SMG7: variants seen among roughly 807,000 people sequenced by gnomAD.
The protein encoded by SMG7 is nonsense-mediated mRNA decay factor SMG7.
A neutral mutation model predicts 148.2 loss-of-function variants in SMG7; 34 were observed. That is an observed-to-expected ratio of 0.23 (90% CI 0.17 to 0.31). SMG7 has a LOEUF of 0.31. SMG7 is among the 10% of genes least tolerant of loss of function. The pLI, the probability that SMG7 is intolerant of heterozygous loss-of-function variation, is 1.00. For synonymous variants in SMG7, 492 were observed against 515.1 expected, an observed-to-expected ratio of 0.96 and a Z score of 0.61; for missense variants, 1,114 against 1,408.4, an observed-to-expected ratio of 0.79 and a Z score of 3.35.
At chr1:183,512,930 T>C (rs7553047) in intron 2 of SMG7, 62 bp downstream of exon 2, 1 of 1,448,222 alleles carries the variant, frequency 6.9e-7, no homozygotes, top group Admixed American at 2.2e-5. Context: ...TGGAAGGATA[T>C]CCTCTTTCTT....
chr1:183,504,171 C>T (rs886107953), intron 1 of SMG7, among the ~76,000 whole-genome samples: 3 of 151,986 alleles, frequency 2.0e-5, no homozygotes, highest in African/African-American at 7.3e-5. Context: ...GTCACCTTAC[C>T]TAGAGTTCCT....
At position 183,515,916 on chromosome 1, in the gene SMG7, C is replaced by T. The variant is rs910507887; in HGVS notation, c.104C>T (p.Ala35Val). Residue 35 changes from alanine (A) to valine (V), a missense_variant, in exon 3 of 23, where the codon GCT (alanine) becomes GTT (valine). Transcript: ENST00000688051. ...GCTGAAGTCTGGACATCCAGGCAGG[C>T]TCTGCAGGACCTGTACCAGAAAATG... ...GPAEVWTSRQ[A>V]LQDLYQKMLV... is the part of the protein sequence containing the mutation. 1 of 1,613,374 alleles carries T rather than the reference C, an allele frequency of 6.2e-7. No individual in the cohort carries two copies. The highest frequency in any genetic ancestry group is 1.3e-5 in the African/African-American group (1 of 74,970).
chr1:183,492,007 G>C (rs1280916321), intron 1 of SMG7, among the ~76,000 whole-genome samples: 1 of 152,220 alleles, frequency 6.6e-6, no homozygotes, highest in Non-Finnish European at 1.5e-5. Flanking sequence ...CATGAAGGCA[G>C]AGTCCTCATA....
intron 15 of SMG7, among the ~76,000 whole-genome samples, 183 bp downstream of exon 15, chr1:183,544,680 GTTA>G (rs1669585269): frequency 6.6e-6 from 1 of 152,038 alleles, no homozygotes; most frequent in African/African-American, 2.4e-5. Flanking sequence ...GTGCATGTTT[GTTA>G]TTATGAAGGA....
At chr1:183,497,018 T>C (rs896074329) in intron 1 of SMG7, among the ~76,000 whole-genome samples, 1 of 152,178 alleles carries the variant, frequency 6.6e-6, no homozygotes, top group Non-Finnish European at 1.5e-5. Context: ...TCATCCCGTC[T>C]TATGGGCTTT....
chr1:183,505,204 T>A (rs1432791675), intron 1 of SMG7, among the ~76,000 whole-genome samples: 1 of 151,942 alleles, frequency 6.6e-6, no homozygotes, highest in Non-Finnish European at 1.5e-5. Context: ...GACGTAAACT[T>A]CTCCCTCTTA....
intron 1 of SMG7, among the ~76,000 whole-genome samples, chr1:183,510,864 G>A (rs564588055): frequency 3.3e-5 from 5 of 152,142 alleles, no homozygotes; most frequent in African/African-American, 7.2e-5. Context: ...AAGTGCAGGC[G>A]CCTGTAGTCC....
In SMG7 at chr1:183,515,851, A is replaced by G. The variant is rs145676343; in HGVS notation, c.62-23A>G. The G allele has an allele frequency of 4.9e-4, 717 of 1,467,932 alleles. 2 individuals carry two copies. The African/African-American group carries it at 9.0e-3, about 18-fold the overall frequency. The allele number at this position is 1,467,932 out of a possible 1,614,324, so 90.9% of individuals were successfully genotyped here. Reference sequence around the variant, plus strand: ...TGCTGGGGTTTATCTATCTACCGTTATGTTTTTGTTTTTGTTACTCAGATT... The same window carrying G: ...TGCTGGGGTTTATCTATCTACCGTTGTGTTTTTGTTTTTGTTACTCAGATT... On this transcript the variant is annotated intron_variant, in intron 2 of 22. Transcript: ENST00000688051.
rs201231881 is a variant in SMG7, at chr1:183,528,947, C to T, written c.612C>T (p.Thr204=). 1.5e-4 allele frequency: 245 copies of T among 1,613,414 alleles called. No individual in the cohort carries two copies. The highest frequency in any genetic ancestry group is 1.9e-4 in the Non-Finnish European group (226 of 1,179,480). The change falls in exon 7 of 23, where the codon ACC becomes ACT. Residue 204 remains threonine (T), a synonymous_variant. Coordinates refer to ENST00000688051, the MANE Select transcript of SMG7 (RefSeq NM_001375584.1). The stretch of plus-strand genomic sequence containing the variant: ...CTTCTTCCAAAGGAGACCATCTGAC[C>T]ACAATTTTCTACTACTGCAGAAGCA... ...ILASSKGDHL[T]TIFYYCRSIA...
chr1:183,552,426 A>G lies in SMG7; in HGVS notation c.*495A>G. On this transcript the variant is annotated 3_prime_UTR_variant, in exon 23 of 23. Coordinates refer to ENST00000688051, the MANE Select transcript of SMG7 (RefSeq NM_001375584.1). ...ATTACTCTCAGTAGTAAAATATCAC[A>G]CTGAATTCTTCCATACACAGGTGTG... 2 of 990,678 alleles carry G rather than the reference A, an allele frequency of 2.0e-6. No homozygotes were observed. The highest frequency in any genetic ancestry group is 2.4e-6 in the Non-Finnish European group (2 of 832,932). The allele number at this position is 990,678 out of a possible 1,614,324, so 61.4% of individuals were successfully genotyped here. A position where few individuals can be genotyped will look rare whatever the true frequency, so the allele number is the denominator to read the frequency against.
chr1:183,525,047 G>T (rs1193123823), intron 4 of SMG7, among the ~76,000 whole-genome samples: 2 of 152,130 alleles, frequency 1.3e-5, no homozygotes, highest in African/African-American at 4.8e-5. Context: ...ATACTTGGAT[G>T]AATATAATAA....
chr1:183,516,098 C>G, intron 3 of SMG7, 107 bp downstream of exon 3: 1 of 702,416 alleles, frequency 1.4e-6, no homozygotes, highest in Non-Finnish European at 2.4e-6. Flanking sequence ...GCAGAATAAA[C>G]TTTTTCAATG....
intron 17 of SMG7, 128 bp from the exon 18 acceptor site, chr1:183,546,975 T>C: frequency 2.2e-6 from 2 of 891,998 alleles, no homozygotes; most frequent in South Asian, 4.2e-5. Context: ...GTTTTTTCTC[T>C]TTGCCTAATA....
chr1:183,528,784 T>G (rs1020559101), intron 6 of SMG7, 108 bp from the exon 7 acceptor site: 2 of 1,003,614 alleles, frequency 2.0e-6, no homozygotes, highest in Non-Finnish European at 3.0e-6. Flanking sequence ...ATTTACCTTA[T>G]AAAAATACTC....
intron 4 of SMG7, among the ~76,000 whole-genome samples, chr1:183,519,382 G>A (rs905530024): frequency 8.6e-5 from 13 of 151,590 alleles, no homozygotes; most frequent in Admixed American, 4.0e-4. Context: ...ACTTTTTGGG[G>A]AATGCTTCTC....
At chr1:183,514,782 T>C (rs1359309187) in intron 2 of SMG7, among the ~76,000 whole-genome samples, 1 of 152,216 alleles carries the variant, frequency 6.6e-6, no homozygotes, top group East Asian at 1.9e-4. Flanking sequence ...ATCTATTAGT[T>C]AGTGATTAAC....
At chr1:183,501,863 A>AT (rs1171539951) in intron 1 of SMG7, among the ~76,000 whole-genome samples, 1 of 152,086 alleles carries the variant, frequency 6.6e-6, no homozygotes, top group Non-Finnish European at 1.5e-5. Flanking sequence ...TGTTTTACAT[A>AT]TTTTTTACAT....
At chr1:183,513,323 T>G (rs1302220151) in intron 2 of SMG7, 1 of 152,958 alleles carries the variant, frequency 6.5e-6, no homozygotes, top group Non-Finnish European at 1.5e-5. Context: ...TCCTTGAAAT[T>G]GAGTGAGCTA....
In SMG7 at chr1:183,545,167, A is replaced by C. The variant is rs944611193; in HGVS notation, c.2225A>C (p.Gln742Pro). 1 of 1,614,152 alleles carries C rather than the reference A, an allele frequency of 6.2e-7. No homozygotes were observed. Among genetic ancestry groups the C allele is most frequent in the East Asian group, 2.2e-5 (1 of 44,866 alleles). Residue 742 changes from glutamine (Q) to proline (P), a missense_variant, in exon 16 of 23, where the codon CAA (glutamine) becomes CCA (proline). This residue lies in a region of SMG7 where 788 missense variants were observed against 894.5 expected (regional missense o/e 0.88). Transcript: ENST00000688051. Reference protein sequence around the residue: ...GPQQSQPPSQQPLTSLPAQPT... With the variant: ...GPQQSQPPSQPPLTSLPAQPT... ...CAACAATCACAGCCACCTTCCCAGCAACCCCTTACATCTTTACCAGCTCAG... is the reference window on the plus strand; with the variant it reads ...CAACAATCACAGCCACCTTCCCAGCCACCCCTTACATCTTTACCAGCTCAG...
Sources: gnomAD v4.1 joint callset for allele counts (sites outside exome capture counted in the v4.1 genomes callset) on GRCh38, gnomAD v4.1.1 for gene constraint, gnomAD v4.1.1 regional missense constraint, MANE v1.5 for transcripts, NCBI Gene and HGNC (gene_info 2026-07-23, HGNC 2026-07-21) for gene names.